The following ZNF280D variants were observed in gnomAD, a reference collection of about 807,000 sequenced individuals.
ZNF280D encodes zinc finger protein 280D, also known as suppressor of hairy wing homolog 4.
ZNF280D carries 39 observed loss-of-function variants against 94.7 expected under a neutral mutation model. The ratio of observed to expected loss-of-function variants is 0.41; its 90% CI spans 0.32 to 0.54. The LOEUF is 0.54. ZNF280D is among the 20% of genes least tolerant of loss of function. The pLI is 0.22. For synonymous variants in ZNF280D, 398 were observed against 377.6 expected (o/e 1.05, Z -0.63); for missense variants, 1,090 against 1,149.3 (o/e 0.95, Z 0.75).
chr15:56,667,376 A>G (rs2054366497), intron 14 of ZNF280D, among the ~76,000 whole-genome samples: 1 of 152,144 alleles, frequency 6.6e-6, no homozygotes, highest in African/African-American at 2.4e-5. Flanking sequence ...AAAGGCCTAA[A>G]TTACCCTTTA....
chr15:56,727,351 C>T (rs1269434065), intron 1 of ZNF280D, among the ~76,000 whole-genome samples: 3 of 152,112 alleles, frequency 2.0e-5, no homozygotes, highest in South Asian at 4.2e-4. Flanking sequence ...TCCAGCTACT[C>T]GGGAGGCTGA....
chr15:56,658,609 AAAT>A (rs2140746709), intron 16 of ZNF280D, 123 bp from the exon 17 acceptor site: 1 of 615,712 alleles, frequency 1.6e-6, no homozygotes, highest in East Asian at 3.2e-5. Context: ...GTAAATAATA[AAAT>A]AATGCCTGTC....
intron 12 of ZNF280D, 54 bp from the exon 13 acceptor site, chr15:56,676,870 A>G: frequency 3.1e-6 from 4 of 1,308,220 alleles, no homozygotes; most frequent in Non-Finnish European, 4.3e-6. Context: ...CTGATATGCA[A>G]TTACAAAGGA....
At chr15:56,662,998 G>T (rs1245421519) in intron 16 of ZNF280D, among the ~76,000 whole-genome samples, 1 of 151,628 alleles carries the variant, frequency 6.6e-6, no homozygotes, top group Admixed American at 6.6e-5. Flanking sequence ...AACAAACATG[G>T]GGCCAGGTGC....
At chr15:56,724,824 G>A (rs1443225287) in intron 1 of ZNF280D, 1 of 447,792 alleles carries the variant, frequency 2.2e-6, no homozygotes, top group Admixed American at 2.4e-5. Flanking sequence ...TGTCACTGAA[G>A]TAGTGCCAAT....
chr15:56,706,861 C>A (rs1386136682), intron 3 of ZNF280D, among the ~76,000 whole-genome samples: 6 of 152,020 alleles, frequency 3.9e-5, no homozygotes, highest in Non-Finnish European at 7.4e-5. Flanking sequence ...ATTATATGTA[C>A]CAAATTGGTA....
chr15:56,643,589 T>A (rs2052731796), intron 19 of ZNF280D, among the ~76,000 whole-genome samples: 1 of 151,798 alleles, frequency 6.6e-6, no homozygotes, highest in African/African-American at 2.4e-5. Context: ...AAATATTAAT[T>A]ATAACTTATT....
intron 3 of ZNF280D, among the ~76,000 whole-genome samples, chr15:56,704,623 C>T (rs1380846617): frequency 6.6e-6 from 1 of 152,108 alleles, no homozygotes; most frequent in African/African-American, 2.4e-5. Flanking sequence ...TCACAAAAGG[C>T]AGATAAACTA....
chr15:56,696,878 T>C lies in ZNF280D; in HGVS notation c.382-3663A>G, dbSNP rs78238057. On this transcript the variant is annotated intron_variant, in intron 6 of 21. Transcript: ENST00000267807. ...AACCCAAGTACTGGGAACCATCAGC[T>C]GAGGTGCTTTGATTTAAAAACTATG... 3.7e-4 allele frequency among the ~76,000 whole-genome samples: 56 copies of C among 152,342 alleles called. 2 individuals carry two copies. The East Asian group carries it at 0.011, about 29-fold the overall frequency.
At chr15:56,710,889 C>T (rs1279792191) in intron 1 of ZNF280D, among the ~76,000 whole-genome samples, 4 of 152,054 alleles carry the variant, frequency 2.6e-5, no homozygotes, top group South Asian at 2.1e-4. Flanking sequence ...ATTTCACAAA[C>T]TACAACTGTA....
At chr15:56,690,013 T>C (rs185960916) in intron 7 of ZNF280D, among the ~76,000 whole-genome samples, 1 of 152,286 alleles carries the variant, frequency 6.6e-6, no homozygotes, top group East Asian at 1.9e-4. Context: ...TGGCTTTGAG[T>C]GGTATTACCC....
At position 56,707,344 on chromosome 15, in the gene ZNF280D, A is replaced by C. The variant is rs1335564090; in HGVS notation, c.-85-38T>G. On this transcript the variant is annotated intron_variant, in intron 1 of 21. Coordinates refer to ENST00000267807, the MANE Select transcript of ZNF280D (RefSeq NM_017661.4). ...GATACCAACTATTAGGGTGGACTTC[A>C]TTAAATTAGATGTATACATATTTAA... 3.4e-6 allele frequency: 5 copies of C among 1,483,196 alleles called. No homozygotes were observed. In the East Asian group the frequency reaches 1.1e-4, roughly 31 times the overall value. 91.9% of individuals were successfully genotyped at this position (1,483,196 alleles called of 1,614,324 possible).
chr15:56,646,986 C>T (rs1334732408), intron 19 of ZNF280D, among the ~76,000 whole-genome samples: 2 of 152,184 alleles, frequency 1.3e-5, no homozygotes, highest in African/African-American at 4.8e-5. Context: ...GGTCTCATAT[C>T]ACTGAAATGT....
intron 16 of ZNF280D, among the ~76,000 whole-genome samples, chr15:56,663,670 T>C (rs2054104541): frequency 6.6e-6 from 1 of 152,208 alleles, no homozygotes; most frequent in Admixed American, 6.5e-5. Context: ...CTGTGTGTGA[T>C]GACAATGAAC....
chr15:56,636,985 G>C (rs984193862), intron 20 of ZNF280D, among the ~76,000 whole-genome samples: 5 of 152,004 alleles, frequency 3.3e-5, no homozygotes, highest in Non-Finnish European at 7.4e-5. Context: ...TAAAAGGCAG[G>C]CATGAGATAC....
intron 20 of ZNF280D, among the ~76,000 whole-genome samples, chr15:56,638,443 C>G (rs2052457766): frequency 6.6e-6 from 1 of 152,108 alleles, no homozygotes; most frequent in Non-Finnish European, 1.5e-5. Flanking sequence ...ACTTTTGGTG[C>G]AGTATCAAAG....
rs546520931 is a variant in ZNF280D at position 56,633,494 on chromosome 15, C to CT, written c.2316-1373dup. On this transcript the variant is annotated intron_variant, in intron 21 of 21. Transcript: ENST00000267807. ...TATAAAAAATCTAATATCTTTTTATCTTTTTTTTTTTGAGGGGGGACAGTC... is the reference window on the plus strand; with the variant it reads ...TATAAAAAATCTAATATCTTTTTATCTTTTTTTTTTTTGAGGGGGGACAGTC... Among the ~76,000 whole-genome samples the CT allele has an allele frequency of 7.5e-4, 109 of 146,238 alleles. No individual in the cohort carries two copies. The South Asian group carries it at 9.1e-3, about 12-fold the overall frequency.
chr15:56,672,573 A>C (rs1336109575), intron 13 of ZNF280D, among the ~76,000 whole-genome samples: 1 of 151,958 alleles, frequency 6.6e-6, no homozygotes, highest in African/African-American at 2.4e-5. Context: ...TGCTGGATTC[A>C]GTTTGCCAGT....
intron 1 of ZNF280D, among the ~76,000 whole-genome samples, chr15:56,708,002 C>T (rs1367365884): frequency 6.6e-6 from 1 of 151,734 alleles, no homozygotes; most frequent in Non-Finnish European, 1.5e-5. Context: ...TTTTGAATTT[C>T]CATGCACACG....
Sources: allele counts gnomAD v4.1 joint callset (sites outside exome capture counted in the v4.1 genomes callset), GRCh38; gene constraint gnomAD v4.1.1; transcripts MANE v1.5; gene names NCBI Gene and HGNC (gene_info 2026-07-23, HGNC 2026-07-21).